BCKDHB: variants seen among roughly 807,000 people sequenced by gnomAD.
BCKDHB encodes branched chain keto acid dehydrogenase E1 subunit beta.
Under a neutral mutation model 48.5 loss-of-function variants are expected in BCKDHB, and 41 were observed. That is an observed-to-expected ratio of 0.85 (90% CI 0.66 to 1.10). The LOEUF is 1.10. Ranked by LOEUF, BCKDHB falls within the 50% of genes least tolerant of loss-of-function variation. The pLI is 0.00. For missense variants in BCKDHB, 496 were observed against 494.2 expected (o/e 1.00, Z -0.03); for synonymous variants, 201 against 174.8 (o/e 1.15, Z -1.18).
the BCKDHB span, among the ~76,000 whole-genome samples, chr6:80,464,656 T>A: frequency 6.6e-6 from 1 of 152,188 alleles, no homozygotes; most frequent in Non-Finnish European, 1.5e-5. Flanking sequence ...CACACTTCTT[T>A]CATACTATTC....
intron 3 of BCKDHB, among the ~76,000 whole-genome samples, chr6:80,141,720 C>CT (rs1244421889): frequency 6.6e-6 from 1 of 152,030 alleles, no homozygotes; most frequent in Non-Finnish European, 1.5e-5. Context: ...ATTCATGTAT[C>CT]TTTTAAGCAT....
chr6:80,402,757 A>G, the BCKDHB span, among the ~76,000 whole-genome samples: 1 of 151,752 alleles, frequency 6.6e-6, no homozygotes, highest in Non-Finnish European at 1.5e-5. Context: ...TAAGTCTTTA[A>G]TCCATTTTGA....
chr6:80,399,978 G>A, the BCKDHB span, among the ~76,000 whole-genome samples: 1 of 151,984 alleles, frequency 6.6e-6, no homozygotes, highest in East Asian at 1.9e-4. Flanking sequence ...AACAAGCAAT[G>A]GGAAAGATTC....
chr6:80,197,788 A>G (rs1399375250), intron 6 of BCKDHB, among the ~76,000 whole-genome samples: 2 of 152,116 alleles, frequency 1.3e-5, no homozygotes, highest in Non-Finnish European at 2.9e-5. Flanking sequence ...TCTTTGGTGC[A>G]TTTTTCCGAT....
intron 8 of BCKDHB, among the ~76,000 whole-genome samples, chr6:80,223,371 T>C (rs1775546317): frequency 6.6e-6 from 1 of 152,194 alleles, no homozygotes; most frequent in Non-Finnish European, 1.5e-5. Flanking sequence ...GTGCTTTGCT[T>C]CTAATCATTA....
At chr6:80,348,785 G>A (rs1233771919), downstream of BCKDHB, among the ~76,000 whole-genome samples, 3 of 152,136 alleles carry the variant, frequency 2.0e-5, no homozygotes, top group Non-Finnish European at 4.4e-5. Flanking sequence ...AACCTCCAGG[G>A]CAACATGAGA....
chr6:80,190,783 G>A (rs560684660), intron 6 of BCKDHB, among the ~76,000 whole-genome samples: 6 of 152,294 alleles, frequency 3.9e-5, no homozygotes, highest in Middle Eastern at 3.4e-3. Context: ...TGGGTTGGAA[G>A]CAAGTAAACT....
At chr6:80,370,573 C>A in the BCKDHB span, among the ~76,000 whole-genome samples, 1 of 152,120 alleles carries the variant, frequency 6.6e-6, no homozygotes, top group Non-Finnish European at 1.5e-5. Flanking sequence ...CCTGAGTCCT[C>A]AAAGTCCATT....
At chr6:80,248,747 T>C (rs189508688) in intron 8 of BCKDHB, among the ~76,000 whole-genome samples, 8 of 152,256 alleles carry the variant, frequency 5.3e-5, no homozygotes, top group Non-Finnish European at 7.4e-5. Context: ...TCACTCCAAG[T>C]GGCAGATCTA....
chr6:80,115,314 A>C (rs1260803712), intron 1 of BCKDHB, among the ~76,000 whole-genome samples: 1 of 152,076 alleles, frequency 6.6e-6, no homozygotes, highest in Non-Finnish European at 1.5e-5. Context: ...TGCCTGGCCC[A>C]TTTACATTTT....
At chr6:80,239,612 T>A (rs1297164004) in intron 8 of BCKDHB, among the ~76,000 whole-genome samples, 1 of 152,206 alleles carries the variant, frequency 6.6e-6, no homozygotes, top group Non-Finnish European at 1.5e-5. Flanking sequence ...TTTAATTAGA[T>A]CCCATTTGAC....
the BCKDHB span, among the ~76,000 whole-genome samples, chr6:80,414,541 C>T: frequency 6.6e-6 from 1 of 151,624 alleles, no homozygotes; most frequent in African/African-American, 2.4e-5. Context: ...TTGCCTATTG[C>T]TTGTATTTGT....
intron 6 of BCKDHB, among the ~76,000 whole-genome samples, chr6:80,198,411 A>T (rs1774231712): frequency 6.6e-6 from 1 of 152,166 alleles, no homozygotes; most frequent in African/African-American, 2.4e-5. Context: ...CTATTTTGGG[A>T]TTTATCTAAA....
At chr6:80,226,420 G>A (rs1230615462) in intron 8 of BCKDHB, among the ~76,000 whole-genome samples, 1 of 152,218 alleles carries the variant, frequency 6.6e-6, no homozygotes, top group Non-Finnish European at 1.5e-5. Context: ...GAGAGAGCAT[G>A]CATTGTCTTG....
chr6:80,391,781 A>C, the BCKDHB span, among the ~76,000 whole-genome samples: 2 of 152,206 alleles, frequency 1.3e-5, no homozygotes, highest in Non-Finnish European at 2.9e-5. Flanking sequence ...TTGGCAAGGC[A>C]TAAAATTTTG....
chr6:80,217,768 C>T (rs1162910058), intron 8 of BCKDHB, among the ~76,000 whole-genome samples: 3 of 152,160 alleles, frequency 2.0e-5, no homozygotes, highest in African/African-American at 7.2e-5. Flanking sequence ...AAATTGGATT[C>T]TCCATGCATG....
At chr6:80,361,891 C>T in the BCKDHB span, among the ~76,000 whole-genome samples, 838 of 152,312 alleles carry the variant, frequency 5.5e-3, 3 homozygotes, top group African/African-American at 0.018. Context: ...AGAGAAAGAA[C>T]ACGCATGGGA....
intron 9 of BCKDHB, among the ~76,000 whole-genome samples, chr6:80,326,972 T>A (rs1402378284): frequency 6.6e-5 from 10 of 152,210 alleles, no homozygotes; most frequent in African/African-American, 1.9e-4. Context: ...ATTTCCAGCC[T>A]TTCTACCTTC....
At chr6:80,393,954 A>G in the BCKDHB span, among the ~76,000 whole-genome samples, 1 of 152,218 alleles carries the variant, frequency 6.6e-6, no homozygotes, top group Non-Finnish European at 1.5e-5. Flanking sequence ...TTCCACCTTC[A>G]CACATGTTTG....
Sources: gnomAD v4.1 joint callset for allele counts (sites outside exome capture counted in the v4.1 genomes callset) on GRCh38, gnomAD v4.1.1 for gene constraint, MANE v1.5 for transcripts, NCBI Gene and HGNC (gene_info 2026-07-23, HGNC 2026-07-21) for gene names.